The following XYLT1 variants were observed in gnomAD, a reference collection of about 807,000 sequenced individuals.
XYLT1 encodes beta-D-xylosyltransferase 1.
Under a neutral mutation model 91.3 loss-of-function variants are expected in XYLT1, and 36 were observed. The ratio of observed to expected loss-of-function variants is 0.39; its 90% CI spans 0.30 to 0.52. The LOEUF is 0.52. Ranked by LOEUF, XYLT1 falls within the 20% of genes least tolerant of loss-of-function variation. The pLI is 0.68. For synonymous variants in XYLT1, 588 were observed against 532.0 expected, an observed-to-expected ratio of 1.11 and a Z score of -1.45; for missense variants, 1,242 against 1,284.5, an observed-to-expected ratio of 0.97 and a Z score of 0.51.
chr16:17,270,649 T>C (rs989668091), intron 2 of XYLT1, among the ~76,000 whole-genome samples: 1 of 152,226 alleles, frequency 6.6e-6, no homozygotes, highest in Non-Finnish European at 1.5e-5. Flanking sequence ...GCTGATTACC[T>C]ACCAGGCACG....
intron 2 of XYLT1, among the ~76,000 whole-genome samples, chr16:17,280,595 CTT>C (rs1225063450): frequency 2.0e-5 from 3 of 152,292 alleles, no homozygotes; most frequent in African/African-American, 7.2e-5. Flanking sequence ...AGAAATTAGA[CTT>C]TGCAGAGACA....
intron 3 of XYLT1, among the ~76,000 whole-genome samples, chr16:17,202,994 T>C (rs1187123489): frequency 6.6e-6 from 1 of 152,138 alleles, no homozygotes; most frequent in Non-Finnish European, 1.5e-5. Context: ...TACAAAGTAA[T>C]GCTATTATCC....
intron 1 of XYLT1, among the ~76,000 whole-genome samples, chr16:17,391,053 AAAAC>A (rs751149322): frequency 1.8e-4 from 28 of 152,284 alleles, no homozygotes; most frequent in South Asian, 4.1e-4. Context: ...AAAAAAAACA[AAAAC>A]AAACAAACAA....
At chr16:17,417,653 G>A (rs906960023) in intron 1 of XYLT1, among the ~76,000 whole-genome samples, 2 of 152,136 alleles carry the variant, frequency 1.3e-5, no homozygotes, top group Non-Finnish European at 1.5e-5. Flanking sequence ...AGGCATATGC[G>A]TCAGATTCAA....
intron 11 of XYLT1, among the ~76,000 whole-genome samples, chr16:17,112,921 C>A (rs1300143586): frequency 6.6e-6 from 1 of 152,170 alleles, no homozygotes; most frequent in Admixed American, 6.5e-5. Context: ...CTCACTGCAA[C>A]CTCCACCTCC....
At chr16:17,272,895 T>C (rs965411320) in intron 2 of XYLT1, among the ~76,000 whole-genome samples, 5 of 152,124 alleles carry the variant, frequency 3.3e-5, no homozygotes, top group Admixed American at 2.0e-4. Context: ...GAGTGTTTGA[T>C]GGAGGTGGCA....
At chr16:17,231,879 G>A (rs2033161413) in intron 3 of XYLT1, among the ~76,000 whole-genome samples, 1 of 151,694 alleles carries the variant, frequency 6.6e-6, no homozygotes, top group Admixed American at 6.6e-5. Context: ...TGAATATGAA[G>A]GTGTAGGACA....
chr16:17,202,502 T>C (rs1441912638), intron 3 of XYLT1, among the ~76,000 whole-genome samples: 1 of 152,202 alleles, frequency 6.6e-6, no homozygotes, highest in African/African-American at 2.4e-5. Flanking sequence ...CTTCTTTCTC[T>C]TCCTCAAACA....
intron 5 of XYLT1, among the ~76,000 whole-genome samples, chr16:17,169,736 TTCTCTTAAG>T (rs2031782185): frequency 6.6e-6 from 1 of 152,202 alleles, no homozygotes; most frequent in Non-Finnish European, 1.5e-5. Context: ...TGTATTTTGA[TTCTCTTAAG>T]TCTGCTTGTC....
chr16:17,294,601 C>T (rs2034283796), intron 2 of XYLT1, among the ~76,000 whole-genome samples: 1 of 151,962 alleles, frequency 6.6e-6, no homozygotes, highest in African/African-American at 2.4e-5. Flanking sequence ...AGAATCGCAG[C>T]CACCCTCAAG....
Position 17,428,126 on chromosome 16 carries a change from G to T in XYLT1, c.363+42308C>A, listed in dbSNP as rs772575805. Among the ~76,000 whole-genome samples the T allele has an allele frequency of 4.6e-5, 7 of 152,300 alleles. No homozygotes were observed. The East Asian group carries it at 7.7e-4, about 17-fold the overall frequency. ...ACCCTCCTGAGTAGCTGGGATTACA[G>T]GCACACACCATCACGCACAGCTAGT... On this transcript the variant is annotated intron_variant, in intron 1 of 11. Transcript: ENST00000261381.
intron 2 of XYLT1, among the ~76,000 whole-genome samples, chr16:17,299,569 T>C (rs947364571): frequency 6.6e-6 from 1 of 152,180 alleles, no homozygotes; most frequent in Non-Finnish European, 1.5e-5. Context: ...ATTGCTAGCG[T>C]CCCTTCCACC....
At chr16:17,124,112 G>A (rs1282146011) in intron 10 of XYLT1, among the ~76,000 whole-genome samples, 2 of 152,114 alleles carry the variant, frequency 1.3e-5, no homozygotes, top group African/African-American at 4.8e-5. Context: ...GAAGCTTTTA[G>A]GCCATTTACA....
intron 5 of XYLT1, among the ~76,000 whole-genome samples, chr16:17,173,655 C>T (rs1044855974): frequency 2.6e-5 from 4 of 152,252 alleles, no homozygotes; most frequent in African/African-American, 7.2e-5. Flanking sequence ...CAAACTCGGA[C>T]AGAATTCCTT....
chr16:17,113,129 G>GCACCAGGCCATGATAGTGGTTT (rs1966845663), intron 11 of XYLT1, among the ~76,000 whole-genome samples: 2 of 150,668 alleles, frequency 1.3e-5, no homozygotes, highest in East Asian at 2.0e-4. Context: ...GTGAGCCACC[G>GCACCAGGCCATGATAGTGGTTT]TGTCTGGCCT....
chr16:17,429,213 C>A (rs191316727), intron 1 of XYLT1, among the ~76,000 whole-genome samples: 2 of 152,306 alleles, frequency 1.3e-5, no homozygotes, highest in East Asian at 3.9e-4. Context: ...TTTGAAACCC[C>A]CTCTGTCCAA....
Position 17,105,863 on chromosome 16 carries a change from CT to C in XYLT1, c.*2831del, listed in dbSNP as rs1367333728. On this transcript the variant is annotated 3_prime_UTR_variant, in exon 12 of 12. Coordinates refer to ENST00000261381, the MANE Select transcript of XYLT1 (RefSeq NM_022166.4). The stretch of plus-strand genomic sequence containing the variant: ...AGGCAGGTTAAAAAAATTATTTTCC[CT>C]GGGAAAACATCCTCTTTTCTCAAAT... 1 of 152,052 alleles carries C rather than the reference CT, an allele frequency of 6.6e-6. No homozygotes were observed. Among genetic ancestry groups the C allele is most frequent in the East Asian group, 1.9e-4 (1 of 5,194 alleles). The allele number at this position is 152,052 out of a possible 1,614,324, so 9.4% of individuals were successfully genotyped here.
At chr16:17,390,197 G>A (rs1414571283) in intron 1 of XYLT1, among the ~76,000 whole-genome samples, 2 of 152,072 alleles carry the variant, frequency 1.3e-5, no homozygotes, top group African/African-American at 4.8e-5. Context: ...CGAGTACAAG[G>A]AATATAGGGC....
intron 2 of XYLT1, among the ~76,000 whole-genome samples, chr16:17,323,354 G>A (rs998657582): frequency 6.6e-5 from 10 of 152,166 alleles, no homozygotes; most frequent in African/African-American, 2.4e-4. Flanking sequence ...GCGGTTTTTG[G>A]CATCTTCGCG....
Sources: allele counts gnomAD v4.1 joint callset (sites outside exome capture counted in the v4.1 genomes callset), GRCh38; gene constraint gnomAD v4.1.1; transcripts MANE v1.5; gene names NCBI Gene and HGNC (gene_info 2026-07-23, HGNC 2026-07-21).